ZDHHC15: variants seen among roughly 807,000 people sequenced by gnomAD.
The protein encoded by ZDHHC15 is palmitoyltransferase ZDHHC15.
Under a neutral mutation model 31.7 loss-of-function variants are expected in ZDHHC15, and 19 were observed. The ratio of observed to expected loss-of-function variants is 0.60; its 90% CI spans 0.42 to 0.88. The LOEUF is 0.88. Ranked by LOEUF, ZDHHC15 falls within the 40% of genes least tolerant of loss-of-function variation. The pLI is 0.00. For synonymous variants in ZDHHC15, 103 were observed against 90.0 expected (o/e 1.14, Z -0.82); for missense variants, 209 against 251.2 (o/e 0.83, Z 1.14).
intron 3 of ZDHHC15, among the ~76,000 whole-genome samples, chrX:75,462,924 G>C (rs1443997170): frequency 2.7e-5 from 3 of 111,039 alleles, no homozygotes; most frequent in Non-Finnish European, 5.7e-5. Flanking sequence ...CAAGATCAGA[G>C]CTGAACTGAA....
At chrX:75,513,354 A>G (rs1432245409) in intron 1 of ZDHHC15, among the ~76,000 whole-genome samples, 3 of 112,027 alleles carry the variant, frequency 2.7e-5, no homozygotes, top group Non-Finnish European at 5.6e-5. Flanking sequence ...CCAGACTTAC[A>G]TCCCTCCTCA....
At chrX:75,474,503 T>C (rs2084559603) in intron 3 of ZDHHC15, among the ~76,000 whole-genome samples, 1 of 102,950 alleles carries the variant, frequency 9.7e-6, no homozygotes, top group South Asian at 4.3e-4. Flanking sequence ...CTTACACTTT[T>C]ATATACTCCC....
chrX:75,371,030 A>G lies in ZDHHC15; in HGVS notation c.*1948T>C, dbSNP rs1602527392. 1 of 111,805 alleles carries G rather than the reference A, an allele frequency of 8.9e-6. No individual in the cohort carries two copies. The highest frequency in any genetic ancestry group is 9.5e-5 in the Admixed American group (1 of 10,485). The allele number at this position is 111,805 out of a possible 1,213,427, so 9.2% of individuals were successfully genotyped here. ...GTTCTTGATGTTTTTCTGACTTTGA[A>G]TCACAGTTAACAGCTGCTCTGCCTG... On this transcript the variant is annotated 3_prime_UTR_variant, in exon 12 of 12. Coordinates refer to ENST00000373367, the MANE Select transcript of ZDHHC15 (RefSeq NM_144969.3).
intron 10 of ZDHHC15, among the ~76,000 whole-genome samples, chrX:75,415,368 A>T (rs1017664888): frequency 9.0e-6 from 1 of 111,531 alleles, no homozygotes; most frequent in African/African-American, 3.3e-5. Flanking sequence ...TCCTTCAATG[A>T]ACTTAAAAAA....
chrX:75,402,101 CA>C (rs1286379165), intron 10 of ZDHHC15, among the ~76,000 whole-genome samples: 1 of 112,170 alleles, frequency 8.9e-6, no homozygotes, highest in Non-Finnish European at 1.9e-5. Context: ...CAAAACTATA[CA>C]ATTACATAGA....
At chrX:75,487,506 C>A (rs1442214351) in intron 2 of ZDHHC15, among the ~76,000 whole-genome samples, 1 of 111,960 alleles carries the variant, frequency 8.9e-6, no homozygotes, top group Non-Finnish European at 1.9e-5. Context: ...AGGGATCACC[C>A]CATGGGACCA....
intron 2 of ZDHHC15, among the ~76,000 whole-genome samples, chrX:75,503,569 T>C (rs2085117354): frequency 9.0e-6 from 1 of 111,195 alleles, no homozygotes; most frequent in South Asian, 3.8e-4. Flanking sequence ...AGGAAGAAAG[T>C]GAAACTTAGA....
chrX:75,440,342 C>T (rs183614114), intron 4 of ZDHHC15, among the ~76,000 whole-genome samples: 41 of 110,692 alleles, frequency 3.7e-4, no homozygotes, highest in Non-Finnish European at 3.8e-4. Flanking sequence ...TGCAGTGGCA[C>T]GATCTCGGCT....
Position 75,371,568 on chromosome X carries a change from C to CT in ZDHHC15, c.*1409dup, listed in dbSNP as rs2083006277. 2.7e-5 allele frequency: 3 copies of CT among 111,636 alleles called. No individual in the cohort carries two copies. The South Asian group carries it at 1.1e-3, about 42-fold the overall frequency. 9.2% of individuals were successfully genotyped at this position (111,636 alleles called of 1,213,427 possible). A position where few individuals can be genotyped will look rare whatever the true frequency, so the allele number is the denominator to read the frequency against. The stretch of plus-strand genomic sequence containing the variant: ...CAACACTAAATTGTGGCAGGCAACT[C>CT]TTTTTTACTCAAACATATTTCAGGG... On this transcript the variant is annotated 3_prime_UTR_variant, in exon 12 of 12. Coordinates refer to ENST00000373367, the MANE Select transcript of ZDHHC15 (RefSeq NM_144969.3).
rs1233292174 is a variant in ZDHHC15, at chrX:75,371,210, A to C, written c.*1768T>G. 8.9e-6 allele frequency: 1 copy of C among 111,938 alleles called. No individual in the cohort carries two copies. The highest frequency in any genetic ancestry group is 1.9e-5 in the Non-Finnish European group (1 of 53,238). 9.2% of individuals were successfully genotyped at this position (111,938 alleles called of 1,213,427 possible). On this transcript the variant is annotated 3_prime_UTR_variant, in exon 12 of 12. Coordinates refer to ENST00000373367, the MANE Select transcript of ZDHHC15 (RefSeq NM_144969.3). ...GTCATAAAACCATGGGAATGGCCAA[A>C]TAAGGTTTCAGGAAAAACCGAAATG...
At chrX:75,496,284 T>G (rs748993437) in intron 2 of ZDHHC15, among the ~76,000 whole-genome samples, 9 of 111,383 alleles carry the variant, frequency 8.1e-5, no homozygotes, top group Non-Finnish European at 1.3e-4. Context: ...GATGAAAAAT[T>G]TAGGGCAATA....
At position 75,379,202 on chromosome X, in the gene ZDHHC15, C is replaced by A. The variant is rs750956999; in HGVS notation, c.968-4G>T. On this transcript the variant is annotated splice_region_variant and splice_polypyrimidine_tract_variant and intron_variant, in intron 10 of 11. Coordinates refer to ENST00000373367, the MANE Select transcript of ZDHHC15 (RefSeq NM_144969.3). ...GATGATGAGCCTTCTGGATAATCTGCAAGGTTGAAACGTGAAGATGATCAA... is the reference window on the plus strand; with the variant it reads ...GATGATGAGCCTTCTGGATAATCTGAAAGGTTGAAACGTGAAGATGATCAA... 5.8e-6 allele frequency: 7 copies of A among 1,210,585 alleles called. No individual in the cohort carries two copies. In the East Asian group the frequency reaches 2.1e-4, roughly 36 times the overall value.
At chrX:75,456,818 C>T (rs770543548) in intron 3 of ZDHHC15, among the ~76,000 whole-genome samples, 26 of 111,359 alleles carry the variant, frequency 2.3e-4, no homozygotes, top group African/African-American at 7.2e-4. Flanking sequence ...ATAACAGCAA[C>T]GGGTGTCTCC....
chrX:75,384,431 C>T (rs951867682), intron 10 of ZDHHC15: 34 of 936,969 alleles, frequency 3.6e-5, no homozygotes, highest in Middle Eastern at 2.7e-4. Context: ...CCTTTGGCCA[C>T]GTATATGCAA....
rs149839793 is a variant in ZDHHC15, at chrX:75,492,340, T to C, written c.164-13355A>G. Among the ~76,000 whole-genome samples, 39 of 110,967 alleles carry C rather than the reference T, an allele frequency of 3.5e-4. 1 individual carries two copies. Among genetic ancestry groups the C allele is most frequent in the African/African-American group, 1.2e-3 (36 of 30,519 alleles). On this transcript the variant is annotated intron_variant, in intron 2 of 11. Coordinates refer to ENST00000373367, the MANE Select transcript of ZDHHC15 (RefSeq NM_144969.3). ...CCCACACAATAATAATGGGAGACTT[T>C]AACACCCCACTGTCAATATTAGACA...
chrX:75,452,826 G>A (rs1348382530), intron 3 of ZDHHC15, among the ~76,000 whole-genome samples: 1 of 111,889 alleles, frequency 8.9e-6, no homozygotes, highest in Non-Finnish European at 1.9e-5. Flanking sequence ...GATGTTCTTT[G>A]AAACCAATGA....
chrX:75,469,348 AT>A (rs2084466401), intron 3 of ZDHHC15, among the ~76,000 whole-genome samples: 1 of 111,879 alleles, frequency 8.9e-6, no homozygotes, highest in South Asian at 3.7e-4. Context: ...CCAGAACTTT[AT>A]TCATCTTCCC....
chrX:75,429,894 T>A (rs1011050212), intron 6 of ZDHHC15, 54 bp downstream of exon 6: 2 of 1,145,664 alleles, frequency 1.7e-6, no homozygotes, highest in African/African-American at 3.6e-5. Context: ...AAAGTGCATA[T>A]AATTGAGCAA....
intron 10 of ZDHHC15, among the ~76,000 whole-genome samples, chrX:75,409,273 C>G (rs2083455203): frequency 9.1e-6 from 1 of 109,710 alleles, no homozygotes; most frequent in Non-Finnish European, 1.9e-5. Flanking sequence ...GGGCAGATCA[C>G]TTGAGGCCGG....
Sources: allele counts gnomAD v4.1 joint callset (sites outside exome capture counted in the v4.1 genomes callset), GRCh38; gene constraint gnomAD v4.1.1; transcripts MANE v1.5; gene names NCBI Gene and HGNC (gene_info 2026-07-23, HGNC 2026-07-21).